The following PI4KB variants were observed in gnomAD, a reference collection of about 807,000 sequenced individuals.
PI4KB encodes the protein phosphatidylinositol 4-kinase beta, also known as PtdIns 4-kinase beta.
Under a neutral mutation model 81.4 loss-of-function variants are expected in PI4KB, and 23 were observed. The ratio of observed to expected loss-of-function variants is 0.28; its 90% confidence interval spans 0.20 to 0.40. The LOEUF (loss-of-function observed/expected upper bound fraction) is 0.40, where lower values mean the gene tolerates loss of function less well. Ranked by LOEUF, PI4KB falls within the 10% of genes least tolerant of loss-of-function variation. The pLI is 1.00. For missense variants in PI4KB, 651 were observed against 1,036.6 expected, an observed-to-expected ratio of 0.63 and a Z score of 5.11; for synonymous variants, 381 against 406.8, an observed-to-expected ratio of 0.94 and a Z score of 0.76.
upstream of PI4KB, chr1:151,327,617 C>T (rs1292541214): frequency 2.6e-6 from 1 of 381,706 alleles, no homozygotes; most frequent in East Asian, 3.7e-5. Flanking sequence ...CGCTTTCCTG[C>T]TTCCCCAGCG....
intron 1 of PI4KB, chr1:151,324,804 C>T (rs1649377946): frequency 7.1e-6 from 7 of 985,244 alleles, no homozygotes; most frequent in Non-Finnish European, 8.4e-6. Flanking sequence ...TGGGTCCCCT[C>T]TTGTCCCATG....
intron 9 of PI4KB, among the ~76,000 whole-genome samples, chr1:151,298,065 G>A (rs1694955571): frequency 6.6e-6 from 1 of 152,156 alleles, no homozygotes; most frequent in African/African-American, 2.4e-5. Flanking sequence ...ACCTATATGT[G>A]TAGTTAGTTT....
intron 9 of PI4KB, among the ~76,000 whole-genome samples, chr1:151,296,528 T>C (rs587727492): frequency 3.3e-4 from 50 of 151,842 alleles, no homozygotes; most frequent in African/African-American, 1.2e-3. Context: ...TGGTGTGCAA[T>C]GGTGCGATCT....
intron 2 of PI4KB, among the ~76,000 whole-genome samples, chr1:151,314,774 TGAG>T (rs1647656440): frequency 6.6e-6 from 1 of 152,258 alleles, no homozygotes; most frequent in Admixed American, 6.5e-5. Flanking sequence ...GATTAGATTA[TGAG>T]GAGGAGTGGC....
chr1:151,298,936 G>A lies in PI4KB; in HGVS notation c.1887C>T (p.Ser629=), dbSNP rs751678475. ...GCTCCTGTAGGAAGTAATCGAGCAA[G>A]GAGAGCTGTGACTGTTTCTTCACCT... is the stretch of plus-strand genomic sequence containing the variant. ...IHQVKKQSQL[S]LLDYFLQEHG... Residue 629 remains serine, a synonymous_variant, in exon 9 of 12, where the codon TCC becomes TCT. Coordinates refer to ENST00000368873, the MANE Select transcript of PI4KB (RefSeq NM_001369623.2). 89 of 1,614,068 alleles carry A rather than the reference G, an allele frequency of 5.5e-5. No homozygotes were observed. The highest frequency in any genetic ancestry group is 7.5e-5 in the Non-Finnish European group (88 of 1,180,034).
chr1:151,303,509 GA>G (rs1477528683), intron 6 of PI4KB, 31 bp downstream of exon 6: 2 of 1,314,924 alleles, frequency 1.5e-6, no homozygotes, highest in East Asian at 2.3e-5. Context: ...AAAGAGGGAT[GA>G]AAAATGAGGG....
At chr1:151,296,787 T>A (rs1158737170) in intron 9 of PI4KB, among the ~76,000 whole-genome samples, 1 of 148,706 alleles carries the variant, frequency 6.7e-6, no homozygotes, top group Non-Finnish European at 1.5e-5. Flanking sequence ...AATTTTTATT[T>A]TTTTTTTTGA....
intron 10 of PI4KB, 131 bp from the exon 11 acceptor site, chr1:151,294,269 G>T: frequency 6.8e-7 from 1 of 1,464,824 alleles, no homozygotes; most frequent in Non-Finnish European, 9.2e-7. Flanking sequence ...TGGGCAGGAA[G>T]CTCCCAGGAA....
intron 2 of PI4KB, among the ~76,000 whole-genome samples, chr1:151,312,269 C>T (rs1442986372): frequency 2.0e-5 from 3 of 152,172 alleles, no homozygotes. Flanking sequence ...TGAGGCCCGA[C>T]CTCATCCTTG....
intron 3 of PI4KB, 75 bp from the exon 4 acceptor site, chr1:151,307,876 C>A: frequency 8.6e-7 from 1 of 1,169,082 alleles, no homozygotes; most frequent in East Asian, 2.4e-5. Context: ...TCAGTCACTC[C>A]TGGCCATGCA....
chr1:151,310,170 T>C (rs753642719), intron 3 of PI4KB, 41 bp downstream of exon 3: 1 of 1,490,234 alleles, frequency 6.7e-7, no homozygotes, highest in Non-Finnish European at 9.3e-7. Context: ...ATGCGGCCAC[T>C]GGGGGAGCCT....
chr1:151,326,420 T>C (rs1649618217), intron 1 of PI4KB: 1 of 466,114 alleles, frequency 2.1e-6, no homozygotes, highest in Non-Finnish European at 3.8e-6. Flanking sequence ...AGAGAACACA[T>C]GAAGCCCACG....
At chr1:151,323,178 TA>T (rs1441589889) in intron 1 of PI4KB, among the ~76,000 whole-genome samples, 1 of 152,206 alleles carries the variant, frequency 6.6e-6, no homozygotes, top group African/African-American at 2.4e-5. Context: ...CCTCTAAAGC[TA>T]AATCCTTGTT....
intron 1 of PI4KB, among the ~76,000 whole-genome samples, chr1:151,323,380 G>A (rs1427727364): frequency 6.8e-6 from 1 of 147,186 alleles, no homozygotes; most frequent in Non-Finnish European, 1.5e-5. Context: ...GGTGGCGGGT[G>A]CCTGTAATCT....
At chr1:151,315,445 T>G in intron 2 of PI4KB, 128 bp downstream of exon 2, 1 of 706,800 alleles carries the variant, frequency 1.4e-6, no homozygotes, top group Non-Finnish European at 2.5e-6. Flanking sequence ...TAACATTCCA[T>G]GCTTTTATCA....
intron 11 of PI4KB, chr1:151,293,576 C>T: frequency 2.9e-6 from 1 of 347,474 alleles, no homozygotes; most frequent in South Asian, 2.5e-5. Flanking sequence ...GGGCAAAAGA[C>T]TGTAGATGGC....
intron 2 of PI4KB, among the ~76,000 whole-genome samples, chr1:151,314,443 G>A (rs1647599905): frequency 6.6e-6 from 1 of 152,194 alleles, no homozygotes; most frequent in East Asian, 1.9e-4. Context: ...TCCAGATGTG[G>A]AGTGAAGAGT....
chr1:151,295,248 A>G (rs2101906612), intron 9 of PI4KB, among the ~76,000 whole-genome samples: 1 of 152,358 alleles, frequency 6.6e-6, no homozygotes, highest in African/African-American at 2.4e-5. Flanking sequence ...TGGCCTATTC[A>G]GCATAACTGG....
At chr1:151,299,987 T>C (rs1695124101) in intron 8 of PI4KB, among the ~76,000 whole-genome samples, 1 of 152,198 alleles carries the variant, frequency 6.6e-6, no homozygotes, top group Non-Finnish European at 1.5e-5. Context: ...GAATAATGGA[T>C]ATATGCCAAA....
Sources: gnomAD v4.1 joint callset for allele counts (sites outside exome capture counted in the v4.1 genomes callset) on GRCh38, gnomAD v4.1.1 for gene constraint, MANE v1.5 for transcripts, NCBI Gene and HGNC (gene_info 2026-07-23, HGNC 2026-07-21) for gene names.